The following UPP2 variants were observed in gnomAD, a reference collection of about 807,000 sequenced individuals.
UPP2 encodes UPase 2.
A neutral mutation model predicts 26.7 loss-of-function variants in UPP2; 23 were observed. That is an observed-to-expected ratio of 0.86 (90% CI 0.62 to 1.22). The LOEUF (loss-of-function observed/expected upper bound fraction) is 1.22. UPP2 is among the 50% of genes most tolerant of loss of function. The pLI is 0.00. For missense variants in UPP2, 387 were observed against 396.7 expected (o/e 0.98, Z 0.21); for synonymous variants, 127 against 141.3 (o/e 0.90, Z 0.72).
At chr2:158,112,828 C>A (rs1683348162) in intron 2 of UPP2, among the ~76,000 whole-genome samples, 1 of 152,126 alleles carries the variant, frequency 6.6e-6, no homozygotes, top group South Asian at 2.1e-4. Flanking sequence ...CTAGGGATAT[C>A]TAAAGCTGAG....
chr2:158,124,938 T>C (rs1182970086), intron 6 of UPP2, among the ~76,000 whole-genome samples: 1 of 152,148 alleles, frequency 6.6e-6, no homozygotes. Context: ...ACTGGAGACA[T>C]AAAATTCTAA....
intron 6 of UPP2, among the ~76,000 whole-genome samples, chr2:158,125,975 T>A (rs1021631727): frequency 6.6e-6 from 1 of 152,164 alleles, no homozygotes; most frequent in Non-Finnish European, 1.5e-5. Flanking sequence ...TATTAATAGT[T>A]AAACATAAAA....
intron 6 of UPP2, among the ~76,000 whole-genome samples, chr2:158,124,883 C>T (rs1336476746): frequency 6.6e-6 from 1 of 152,102 alleles, no homozygotes; most frequent in Non-Finnish European, 1.5e-5. Flanking sequence ...GGAGGCCAAG[C>T]AAGCAGGTGA....
chr2:158,007,229 T>C (rs539729424), intron 2 of UPP2, among the ~76,000 whole-genome samples: 1 of 152,310 alleles, frequency 6.6e-6, no homozygotes, highest in South Asian at 2.1e-4. Flanking sequence ...GTGCTATCAT[T>C]ATACTCAGTT....
intron 2 of UPP2, among the ~76,000 whole-genome samples, chr2:157,999,452 A>C (rs1480315113): frequency 6.6e-6 from 1 of 152,248 alleles, no homozygotes; most frequent in Non-Finnish European, 1.5e-5. Context: ...TGCTGGGATT[A>C]CAAGTGTGAG....
intron 5 of UPP2, among the ~76,000 whole-genome samples, chr2:158,121,980 T>C (rs941551261): frequency 6.6e-6 from 1 of 151,972 alleles, no homozygotes; most frequent in East Asian, 1.9e-4. Context: ...TCAAAAATGA[T>C]CCTGTCCCCC....
chr2:158,025,171 C>T (rs564932725), intron 3 of UPP2, among the ~76,000 whole-genome samples: 18 of 144,300 alleles, frequency 1.2e-4, no homozygotes, highest in South Asian at 4.3e-4. Flanking sequence ...CTTTGCACTC[C>T]AGCCTGGGTG....
chr2:158,026,702 T>A (rs1295295147), intron 3 of UPP2, among the ~76,000 whole-genome samples: 1 of 152,214 alleles, frequency 6.6e-6, no homozygotes, highest in Non-Finnish European at 1.5e-5. Context: ...GACCAGGTCA[T>A]GTTTAATATA....
chr2:158,064,128 G>T (rs947025235), intron 3 of UPP2, among the ~76,000 whole-genome samples: 1 of 152,192 alleles, frequency 6.6e-6, no homozygotes, highest in African/African-American at 2.4e-5. Flanking sequence ...GGATTGCTGG[G>T]TCAAATGGTA....
intron 2 of UPP2, among the ~76,000 whole-genome samples, chr2:158,011,295 A>G (rs889931219): frequency 6.6e-6 from 1 of 152,186 alleles, no homozygotes; most frequent in African/African-American, 2.4e-5. Flanking sequence ...GGTGATTCAG[A>G]AAGACCTGAC....
intron 2 of UPP2, among the ~76,000 whole-genome samples, chr2:158,004,263 G>A (rs1404148788): frequency 4.0e-5 from 6 of 151,726 alleles, no homozygotes; most frequent in African/African-American, 1.2e-4. Context: ...AATCATCGTC[G>A]GGGGATGATC....
At chr2:158,070,557 C>T (rs1682521886) in intron 3 of UPP2, among the ~76,000 whole-genome samples, 1 of 152,248 alleles carries the variant, frequency 6.6e-6, no homozygotes, top group South Asian at 2.1e-4. Flanking sequence ...TCCTCTCTGC[C>T]ATGCTGGCAT....
At chr2:158,120,016 A>T (rs1365399478) in intron 4 of UPP2, among the ~76,000 whole-genome samples, 7 of 151,692 alleles carry the variant, frequency 4.6e-5, no homozygotes, top group African/African-American at 1.4e-4. Context: ...ATCTCAAAAA[A>T]AAAAAATAAA....
chr2:158,035,547 T>A (rs1683988359), intron 3 of UPP2, among the ~76,000 whole-genome samples: 1 of 152,172 alleles, frequency 6.6e-6, no homozygotes, highest in Non-Finnish European at 1.5e-5. Context: ...AAGGAACTCC[T>A]CCTCCATTTT....
intron 2 of UPP2, among the ~76,000 whole-genome samples, chr2:158,114,521 G>A (rs974602095): frequency 3.9e-5 from 6 of 152,200 alleles, no homozygotes; most frequent in Admixed American, 3.9e-4. Flanking sequence ...TTGATGAAAT[G>A]CCACAGGGAG....
intron 3 of UPP2, among the ~76,000 whole-genome samples, chr2:158,035,200 C>T (rs1683981697): frequency 6.6e-6 from 1 of 151,514 alleles, no homozygotes; most frequent in Non-Finnish European, 1.5e-5. Context: ...CTCTGTCGCC[C>T]AGGCTGGAGT....
chr2:158,123,992 C>G (rs1189461280), intron 6 of UPP2, 97 bp downstream of exon 6: 2 of 1,387,700 alleles, frequency 1.4e-6, no homozygotes, highest in African/African-American at 2.9e-5. Context: ...TATATATTAC[C>G]TTGGGCTGAA....
chr2:158,045,205 G>A (rs973290301), intron 3 of UPP2, among the ~76,000 whole-genome samples: 1 of 152,110 alleles, frequency 6.6e-6, no homozygotes, highest in African/African-American at 2.4e-5. Context: ...GAACTAACTT[G>A]GATGAATCAG....
intron 5 of UPP2, among the ~76,000 whole-genome samples, chr2:158,123,548 G>A (rs776762100): frequency 6.6e-6 from 1 of 152,168 alleles, no homozygotes; most frequent in African/African-American, 2.4e-5. Flanking sequence ...TCCTTCCTAC[G>A]TATGAGACTC....
Sources: gnomAD v4.1 joint callset for allele counts (sites outside exome capture counted in the v4.1 genomes callset) on GRCh38, gnomAD v4.1.1 for gene constraint, MANE v1.5 for transcripts, NCBI Gene and HGNC (gene_info 2026-07-23, HGNC 2026-07-21) for gene names.